The following SGCD variants were observed in gnomAD, a reference collection of about 807,000 sequenced individuals.
SGCD encodes the protein delta-sarcoglycan.
SGCD carries 18 observed loss-of-function variants against 36.6 expected under a neutral mutation model. The observed-to-expected ratio is 0.49, with a 90% CI of 0.34 to 0.73. The LOEUF is 0.73. Ranked by LOEUF, SGCD falls within the 30% of genes least tolerant of loss-of-function variation. The pLI, the probability that SGCD is intolerant of heterozygous loss-of-function variation, is 0.01. For missense variants in SGCD, 387 were observed against 346.7 expected (o/e 1.12, Z -0.92); for synonymous variants, 133 against 130.6 (o/e 1.02, Z -0.12).
chr5:155,953,603 A>G (rs563006398), intron 1 of SGCD, among the ~76,000 whole-genome samples: 1 of 152,310 alleles, frequency 6.6e-6, no homozygotes, highest in South Asian at 2.1e-4. Context: ...AGTCTGACAC[A>G]AAGAAGCTAC....
intron 3 of SGCD, among the ~76,000 whole-genome samples, chr5:156,304,561 G>T (rs1767151294): frequency 6.6e-6 from 1 of 152,278 alleles, no homozygotes; most frequent in Middle Eastern, 3.4e-3. Context: ...TCTCAGGTAT[G>T]TCTTTATCAG....
At chr5:156,650,663 A>C (rs1763423326) in intron 7 of SGCD, among the ~76,000 whole-genome samples, 1 of 152,098 alleles carries the variant, frequency 6.6e-6, no homozygotes, top group Non-Finnish European at 1.5e-5. Context: ...AGAGGACATG[A>C]TTTTGTTAGT....
chr5:156,641,450 A>G (rs1763023739), intron 6 of SGCD, among the ~76,000 whole-genome samples: 1 of 152,172 alleles, frequency 6.6e-6, no homozygotes, highest in Admixed American at 6.5e-5. Context: ...AGTGTTCATT[A>G]CTCAAAGAAT....
intron 4 of SGCD, among the ~76,000 whole-genome samples, chr5:156,563,573 A>G (rs780209538): frequency 6.6e-6 from 1 of 152,160 alleles, no homozygotes; most frequent in Non-Finnish European, 1.5e-5. Context: ...CTTACTGTAC[A>G]CCCTCAAGTT....
At chr5:156,466,768 A>AG (rs1471546971) in intron 3 of SGCD, among the ~76,000 whole-genome samples, 3 of 152,190 alleles carry the variant, frequency 2.0e-5, no homozygotes, top group Non-Finnish European at 2.9e-5. Context: ...TCCCCCACAA[A>AG]AGTATTTTAT....
chr5:155,746,531 C>T, the SGCD span, among the ~76,000 whole-genome samples: 4 of 152,102 alleles, frequency 2.6e-5, no homozygotes, highest in African/African-American at 4.8e-5. Context: ...TAGCCAATAG[C>T]CTTGAGAGTT....
the SGCD span, among the ~76,000 whole-genome samples, chr5:155,817,184 C>T: frequency 2.0e-5 from 3 of 152,000 alleles, no homozygotes; most frequent in Admixed American, 6.6e-5. Context: ...ATTTAGATTG[C>T]CTCCTGGTTT....
intron 1 of SGCD, among the ~76,000 whole-genome samples, chr5:156,020,514 T>G (rs1323184235): frequency 1.3e-5 from 2 of 152,336 alleles, no homozygotes; most frequent in East Asian, 3.9e-4. Flanking sequence ...TAGTTTTTTT[T>G]TAATCTGTTA....
At chr5:155,762,203 A>G in the SGCD span, among the ~76,000 whole-genome samples, 4 of 152,024 alleles carry the variant, frequency 2.6e-5, no homozygotes, top group African/African-American at 9.7e-5. Context: ...TTGAGGAGGG[A>G]TAAAACAAAT....
At chr5:156,668,078 A>AT (rs1753130555) in intron 7 of SGCD, among the ~76,000 whole-genome samples, 1 of 152,064 alleles carries the variant, frequency 6.6e-6, no homozygotes, top group Admixed American at 6.6e-5. Context: ...TGTTGCCTCT[A>AT]TTTTTTCATT....
At chr5:155,772,830 T>C in the SGCD span, among the ~76,000 whole-genome samples, 12 of 152,086 alleles carry the variant, frequency 7.9e-5, no homozygotes, top group African/African-American at 2.7e-4. Context: ...CTAACCCCTA[T>C]TGAAATGCAA....
intron 7 of SGCD, among the ~76,000 whole-genome samples, chr5:156,694,507 GAGAAATAGAGC>G (rs1347204424): frequency 6.6e-6 from 1 of 152,082 alleles, no homozygotes; most frequent in Admixed American, 6.6e-5. Flanking sequence ...AACCCTGTCA[GAGAAATAGAGC>G]AGAAATTGCA....
intron 1 of SGCD, among the ~76,000 whole-genome samples, chr5:155,898,012 T>A (rs1302088250): frequency 1.3e-5 from 2 of 152,210 alleles, no homozygotes; most frequent in African/African-American, 4.8e-5. Flanking sequence ...GATTAACGAA[T>A]GAGTATATGA....
the SGCD span, among the ~76,000 whole-genome samples, chr5:155,836,569 AG>A: frequency 6.7e-6 from 1 of 148,548 alleles, no homozygotes; most frequent in African/African-American, 2.5e-5. Context: ...CAGGGTTCAG[AG>A]GGAAAGCAGA....
intron 3 of SGCD, among the ~76,000 whole-genome samples, chr5:156,413,137 A>G (rs1348558712): frequency 6.6e-6 from 1 of 152,220 alleles, no homozygotes; most frequent in East Asian, 1.9e-4. Context: ...ACAGCCTTAT[A>G]GAGTAAAATA....
At chr5:156,263,461 A>AT (rs1238680303) in intron 3 of SGCD, among the ~76,000 whole-genome samples, 4 of 151,762 alleles carry the variant, frequency 2.6e-5, no homozygotes, top group African/African-American at 9.7e-5. Flanking sequence ...TTTCTTGCTA[A>AT]TTTGTTTGAG....
At chr5:155,806,346 G>C in the SGCD span, among the ~76,000 whole-genome samples, 66,292 of 151,842 alleles carry the variant, frequency 0.44, 14,811 homozygotes, top group East Asian at 0.6. Flanking sequence ...GTAGAGACAG[G>C]GTTTCACCAT....
At chr5:156,313,001 G>A (rs1039682070) in intron 3 of SGCD, among the ~76,000 whole-genome samples, 2 of 151,966 alleles carry the variant, frequency 1.3e-5, no homozygotes, top group Admixed American at 1.3e-4. Context: ...TATTTGTTTT[G>A]TTTTGTTTTC....
At chr5:156,667,328 C>A (rs997897767) in intron 7 of SGCD, among the ~76,000 whole-genome samples, 9 of 152,090 alleles carry the variant, frequency 5.9e-5, no homozygotes, top group Non-Finnish European at 1.0e-4. Context: ...GTATGTGGGG[C>A]AGTATGACTG....
Sources: gnomAD v4.1 joint callset for allele counts (sites outside exome capture counted in the v4.1 genomes callset) on GRCh38, gnomAD v4.1.1 for gene constraint, MANE v1.5 for transcripts, NCBI Gene and HGNC (gene_info 2026-07-23, HGNC 2026-07-21) for gene names.